Variants in RORB observed in about 807,000 individuals in gnomAD.
RORB encodes nuclear receptor ROR-beta.
A neutral mutation model predicts 59.1 loss-of-function variants in RORB; 6 were observed. That is an observed-to-expected ratio of 0.10 (90% CI 0.06 to 0.20). The LOEUF (loss-of-function observed/expected upper bound fraction) is 0.20. RORB is among the 10% of genes least tolerant of loss of function. RORB has a pLI of 1.00. For missense variants in RORB, 320 were observed against 560.5 expected, an observed-to-expected ratio of 0.57 and a Z score of 4.33; for synonymous variants, 215 against 204.5, an observed-to-expected ratio of 1.05 and a Z score of -0.44.
chr9:74,585,955 C>T (rs926613210), intron 1 of RORB, among the ~76,000 whole-genome samples: 32 of 151,784 alleles, frequency 2.1e-4, no homozygotes, highest in African/African-American at 7.5e-4. Context: ...CCACCATGCC[C>T]GGCTAATTTT....
chr9:74,552,119 C>T (rs1826620198), intron 1 of RORB, among the ~76,000 whole-genome samples: 1 of 151,970 alleles, frequency 6.6e-6, no homozygotes, highest in Non-Finnish European at 1.5e-5. Flanking sequence ...AGTGAAGCTT[C>T]GACTAAAGGG....
At chr9:74,535,545 C>A (rs978560079) in intron 1 of RORB, among the ~76,000 whole-genome samples, 2 of 151,876 alleles carry the variant, frequency 1.3e-5, no homozygotes, top group South Asian at 2.1e-4. Context: ...ACCGCCCCCC[C>A]ACCCACACAC....
chr9:74,511,834 G>A (rs1825944509), intron 1 of RORB, among the ~76,000 whole-genome samples: 3 of 150,670 alleles, frequency 2.0e-5, no homozygotes, highest in Non-Finnish European at 4.4e-5. Context: ...CATTTATCAA[G>A]GATCTATTAT....
At chr9:74,580,482 A>C (rs928686559) in intron 1 of RORB, among the ~76,000 whole-genome samples, 1 of 152,162 alleles carries the variant, frequency 6.6e-6, no homozygotes, top group Non-Finnish European at 1.5e-5. Context: ...ACCGTGTAAG[A>C]CCAAGACAAG....
intron 1 of RORB, among the ~76,000 whole-genome samples, chr9:74,547,563 A>T (rs1563933887): frequency 6.6e-6 from 1 of 152,148 alleles, no homozygotes; most frequent in Non-Finnish European, 1.5e-5. Context: ...TAAAATGATG[A>T]TATTTGTACC....
intron 5 of RORB, 79 bp from the exon 6 acceptor site, chr9:74,662,395 A>G: frequency 7.0e-7 from 1 of 1,432,240 alleles, no homozygotes; most frequent in East Asian, 2.3e-5. Flanking sequence ...GATAAGCACC[A>G]GTAAGGCAAA....
intron 1 of RORB, among the ~76,000 whole-genome samples, chr9:74,524,538 A>C (rs751076564): frequency 6.6e-6 from 1 of 151,976 alleles, no homozygotes; most frequent in Non-Finnish European, 1.5e-5. Flanking sequence ...AAATGCATGC[A>C]TAAAAGATTC....
At chr9:74,665,650 C>A in intron 7 of RORB, 55 bp downstream of exon 7, 1 of 1,122,894 alleles carries the variant, frequency 8.9e-7, no homozygotes, top group Non-Finnish European at 1.4e-6. Flanking sequence ...AGTTTCTCCA[C>A]TTAGATTGAA....
In RORB at chr9:74,687,003, AAAG is replaced by A. The variant is rs1824659099; in HGVS notation, c.*1388_*1390del. On this transcript the variant is annotated 3_prime_UTR_variant, in exon 10 of 10. Coordinates refer to ENST00000376896, the MANE Select transcript of RORB (RefSeq NM_006914.4). Reference sequence around the variant, plus strand: ...TATTTTTTTAGCAACTTTTAGAAATAAAGAATACAACTGTGACATTAGGATCAG... The same window carrying A: ...TATTTTTTTAGCAACTTTTAGAAATAAATACAACTGTGACATTAGGATCAG... 1 of 152,138 alleles carries A rather than the reference AAAG, an allele frequency of 6.6e-6. No homozygotes were observed. Among genetic ancestry groups the A allele is most frequent in the African/African-American group, 2.4e-5 (1 of 41,436 alleles). The allele number at this position is 152,138 out of a possible 1,614,324, so 9.4% of individuals were successfully genotyped here. A position where few individuals can be genotyped will look rare whatever the true frequency, so the allele number is the denominator to read the frequency against.
At chr9:74,592,166 T>C (rs924894321) in intron 1 of RORB, among the ~76,000 whole-genome samples, 7 of 152,150 alleles carry the variant, frequency 4.6e-5, no homozygotes, top group African/African-American at 1.7e-4. Context: ...CTCACATCCC[T>C]AGAAAATAAA....
At chr9:74,629,283 G>A (rs1277395509) in intron 1 of RORB, among the ~76,000 whole-genome samples, 1 of 150,922 alleles carries the variant, frequency 6.6e-6, no homozygotes, top group Non-Finnish European at 1.5e-5. Flanking sequence ...ACCTTTCTAA[G>A]GTGAGTTACT....
At chr9:74,504,826 C>T (rs968737641) in intron 1 of RORB, among the ~76,000 whole-genome samples, 28 of 151,938 alleles carry the variant, frequency 1.8e-4, no homozygotes, top group African/African-American at 6.8e-4. Context: ...ACATAGTTTA[C>T]CTTATAGTAA....
chr9:74,636,724 T>A (rs759914095), intron 3 of RORB, among the ~76,000 whole-genome samples: 1 of 151,956 alleles, frequency 6.6e-6, no homozygotes, highest in Non-Finnish European at 1.5e-5. Context: ...CCTAAGCACA[T>A]CTTATGTGAA....
At chr9:74,513,934 C>T (rs990881556) in intron 1 of RORB, among the ~76,000 whole-genome samples, 2 of 151,870 alleles carry the variant, frequency 1.3e-5, no homozygotes, top group South Asian at 2.1e-4. Flanking sequence ...AAAAGAATGC[C>T]GTAGGATCCA....
chr9:74,525,579 G>C (rs1185372446), intron 1 of RORB, among the ~76,000 whole-genome samples: 1 of 151,772 alleles, frequency 6.6e-6, no homozygotes, highest in African/African-American at 2.4e-5. Context: ...CTTTTAAAAG[G>C]ACAAGAGGAT....
At chr9:74,582,220 A>G (rs555814524) in intron 1 of RORB, among the ~76,000 whole-genome samples, 173 of 152,342 alleles carry the variant, frequency 1.1e-3, no homozygotes, top group African/African-American at 4.0e-3. Context: ...TGTTTAGGCC[A>G]TGATATTAAT....
chr9:74,657,345 G>A (rs1037406153), intron 4 of RORB, among the ~76,000 whole-genome samples: 5 of 152,034 alleles, frequency 3.3e-5, no homozygotes, highest in Admixed American at 6.5e-5. Flanking sequence ...GATTACAGGC[G>A]TGAGCCACTG....
chr9:74,613,305 G>A (rs905332403), intron 1 of RORB, among the ~76,000 whole-genome samples: 68 of 152,288 alleles, frequency 4.5e-4, no homozygotes, highest in African/African-American at 1.6e-3. Context: ...TACCCAAGAA[G>A]TGACAACCAG....
In RORB at chr9:74,692,823, A is replaced by T. The variant is rs995986598; in HGVS notation, c.*7205A>T. The T allele has an allele frequency of 6.6e-6, 1 of 152,198 alleles. No homozygotes were observed. Among genetic ancestry groups the T allele is most frequent in the Non-Finnish European group, 1.5e-5 (1 of 68,034 alleles). 9.4% of individuals were successfully genotyped at this position (152,198 alleles called of 1,614,324 possible). A position where few individuals can be genotyped will look rare whatever the true frequency, so the allele number is the denominator to read the frequency against. ...TAAACCCAGTGACATATATAGTTTT[A>T]AAATCTACAATTTTCTGATCTCTCT... On this transcript the variant is annotated 3_prime_UTR_variant, in exon 10 of 10. Transcript: ENST00000376896.
Sources: allele counts gnomAD v4.1 joint callset (sites outside exome capture counted in the v4.1 genomes callset), GRCh38; gene constraint gnomAD v4.1.1; transcripts MANE v1.5; gene names NCBI Gene and HGNC (gene_info 2026-07-23, HGNC 2026-07-21).